The following PALM2AKAP2 variants were observed in gnomAD, a reference collection of about 807,000 sequenced individuals.
The protein encoded by PALM2AKAP2 is PALM2 and AKAP2 fusion.
In PALM2AKAP2, 37 loss-of-function variants were observed where a neutral mutation model predicts 71.5. The ratio of observed to expected loss-of-function variants is 0.52; its 90% CI spans 0.40 to 0.68. The LOEUF (loss-of-function observed/expected upper bound fraction) is 0.68. PALM2AKAP2 is among the 30% of genes least tolerant of loss of function. The probability of loss-of-function intolerance (pLI) is 0.00; values close to 1 mark genes in which losing one functional copy is unlikely to be tolerated. For synonymous variants in PALM2AKAP2, 468 were observed against 478.8 expected, an observed-to-expected ratio of 0.98 and a Z score of 0.29; for missense variants, 1,224 against 1,191.8, an observed-to-expected ratio of 1.03 and a Z score of -0.40.
At chr9:109,827,582 C>A (rs1022078229) in intron 1 of PALM2AKAP2, among the ~76,000 whole-genome samples, 2 of 152,130 alleles carry the variant, frequency 1.3e-5, no homozygotes, top group Non-Finnish European at 2.9e-5. Context: ...GCACTCCAGC[C>A]TGGGCGACAG....
chr9:109,945,482 G>A (rs1432707509), intron 6 of PALM2AKAP2: 1 of 152,194 alleles, frequency 6.6e-6, no homozygotes, highest in Non-Finnish European at 1.5e-5. Flanking sequence ...ATTTTCCTGA[G>A]TACGTGGTCA....
Position 109,749,309 on chromosome 9 carries a change from C to T in PALM2AKAP2, c.6-31179C>T, listed in dbSNP as rs556538903. ...TCCAACAGACTATTGAAATTAGTCA[C>T]GCGCCCCACCATATTAGAACCACTT... On this transcript the variant is annotated intron_variant, in intron 1 of 6. Transcript: ENST00000374531. 1.6e-4 allele frequency among the ~76,000 whole-genome samples: 25 copies of T among 152,200 alleles called. No individual in the cohort carries two copies. In the South Asian group the frequency reaches 4.6e-3, roughly 28 times the overall value.
chr9:109,865,375 A>G (rs535331535), intron 1 of PALM2AKAP2, among the ~76,000 whole-genome samples: 32 of 152,236 alleles, frequency 2.1e-4, no homozygotes, highest in African/African-American at 7.2e-4. Flanking sequence ...CTGGGATTAC[A>G]GGTATGAGCC....
At chr9:110,085,076 C>T (rs572476483) in intron 1 of PALM2AKAP2, among the ~76,000 whole-genome samples, 66 of 152,048 alleles carry the variant, frequency 4.3e-4, no homozygotes, top group Non-Finnish European at 7.4e-4. Context: ...TATTTTCCAT[C>T]GTGGTTGGTT....
intron 1 of PALM2AKAP2, among the ~76,000 whole-genome samples, chr9:110,135,483 A>G (rs1489719122): frequency 6.6e-5 from 10 of 151,928 alleles, no homozygotes; most frequent in Non-Finnish European, 1.3e-4. Context: ...ACCATTGGCC[A>G]TTAGTTTTTC....
At chr9:109,704,601 G>C (rs1268512920) in intron 1 of PALM2AKAP2, among the ~76,000 whole-genome samples, 1 of 152,140 alleles carries the variant, frequency 6.6e-6, no homozygotes, top group African/African-American at 2.4e-5. Flanking sequence ...GGGAGCCAGA[G>C]GGTGGCCCCT....
chr9:109,900,371 C>G (rs996069486), intron 3 of PALM2AKAP2, among the ~76,000 whole-genome samples: 7 of 152,190 alleles, frequency 4.6e-5, no homozygotes, highest in African/African-American at 1.7e-4. Flanking sequence ...AATGGCAAAG[C>G]ATTGGAGTTA....
intron 7 of PALM2AKAP2, among the ~76,000 whole-genome samples, chr9:110,034,903 G>T (rs1833353889): frequency 6.6e-6 from 1 of 151,682 alleles, no homozygotes; most frequent in South Asian, 2.1e-4. Flanking sequence ...ACGCCCGGCT[G>T]CCATATATTC....
intron 1 of PALM2AKAP2, among the ~76,000 whole-genome samples, chr9:109,654,777 G>GTGTA (rs1207933308): frequency 2.0e-5 from 3 of 151,508 alleles, no homozygotes; most frequent in African/African-American, 7.3e-5. Flanking sequence ...GTGTGTGTGT[G>GTGTA]TATATGTATT....
intron 1 of PALM2AKAP2, among the ~76,000 whole-genome samples, chr9:109,676,326 T>C (rs1001814631): frequency 1.8e-4 from 27 of 152,088 alleles, no homozygotes; most frequent in African/African-American, 6.5e-4. Flanking sequence ...AATCTTGGAG[T>C]GTAGCTAATG....
intron 6 of PALM2AKAP2, among the ~76,000 whole-genome samples, chr9:110,011,014 A>AAAAAATATAT (rs35212981): frequency 5.8e-4 from 40 of 69,548 alleles, no homozygotes; most frequent in South Asian, 2.3e-3. Context: ...AAAAAAAAAA[A>AAAAAATATAT]ATATATATAT....
intron 1 of PALM2AKAP2, among the ~76,000 whole-genome samples, chr9:109,855,167 G>A (rs1474865868): frequency 1.3e-5 from 2 of 152,074 alleles, no homozygotes; most frequent in East Asian, 3.9e-4. Context: ...CCGCTTCCCA[G>A]GCTTAAGCAA....
chr9:109,945,761 T>C (rs953350476), intron 6 of PALM2AKAP2: 6 of 152,224 alleles, frequency 3.9e-5, no homozygotes, highest in African/African-American at 1.4e-4. Context: ...ACAGAATCAA[T>C]CTTCCAGGAC....
At chr9:109,916,562 G>T (rs923833098) in intron 3 of PALM2AKAP2, among the ~76,000 whole-genome samples, 8 of 152,248 alleles carry the variant, frequency 5.3e-5, no homozygotes, top group African/African-American at 1.9e-4. Context: ...CATGTGATAT[G>T]CTGGGCCTTG....
At chr9:110,038,515 T>C (rs900607406) in intron 7 of PALM2AKAP2, among the ~76,000 whole-genome samples, 3 of 152,090 alleles carry the variant, frequency 2.0e-5, no homozygotes, top group South Asian at 2.1e-4. Context: ...ACCACTGGGT[T>C]TGGCAACCTC....
intron 6 of PALM2AKAP2, among the ~76,000 whole-genome samples, chr9:109,986,667 T>C (rs1832384277): frequency 6.6e-6 from 1 of 152,246 alleles, no homozygotes. Context: ...ATATTGACAT[T>C]CTCTTGTATT....
At chr9:109,904,926 T>C (rs1036115476) in intron 3 of PALM2AKAP2, among the ~76,000 whole-genome samples, 8 of 152,210 alleles carry the variant, frequency 5.3e-5, no homozygotes, top group Non-Finnish European at 2.9e-5. Context: ...ACTTCTGTGC[T>C]GTAAAAGGGC....
At chr9:110,165,905 G>T (rs1019548160) in intron 3 of PALM2AKAP2, among the ~76,000 whole-genome samples, 1 of 152,258 alleles carries the variant, frequency 6.6e-6, no homozygotes, top group East Asian at 1.9e-4. Context: ...AGTTGTTTGA[G>T]AATTAAAATA....
intron 6 of PALM2AKAP2, among the ~76,000 whole-genome samples, chr9:109,936,235 A>G (rs1265504958): frequency 6.6e-6 from 1 of 152,254 alleles, no homozygotes; most frequent in Non-Finnish European, 1.5e-5. Context: ...TGTTGGGAAC[A>G]TTCAAAAATC....
Sources: gnomAD v4.1 joint callset for allele counts (sites outside exome capture counted in the v4.1 genomes callset) on GRCh38, gnomAD v4.1.1 for gene constraint, MANE v1.5 for transcripts, NCBI Gene and HGNC (gene_info 2026-07-23, HGNC 2026-07-21) for gene names.